Variants in IRX6 observed in about 807,000 individuals in gnomAD.
IRX6 encodes the protein iroquois homeobox 6.
IRX6 carries 46 observed loss-of-function variants against 47.7 expected under a neutral mutation model. The ratio of observed to expected loss-of-function variants is 0.96; its 90% CI spans 0.76 to 1.23. IRX6 has a LOEUF of 1.23. Among genes scored for constraint, IRX6 ranks in the 50% most tolerant of loss-of-function variants. The probability of loss-of-function intolerance (pLI) is 0.00; values close to 1 mark genes in which losing one functional copy is unlikely to be tolerated. For missense variants in IRX6, 722 were observed against 588.0 expected (o/e 1.23, Z -2.36); for synonymous variants, 265 against 246.2 (o/e 1.08, Z -0.72).
intron 3 of IRX6, 80 bp from the exon 4 acceptor site, chr16:55,327,506 A>G: frequency 6.3e-7 from 1 of 1,576,828 alleles, no homozygotes; most frequent in Non-Finnish European, 8.7e-7. Context: ...GAGCTGAACC[A>G]CACTTCCACG....
rs1039688118 is a variant in IRX6 at position 55,329,447 on chromosome 16, C to T, written c.1333+136C>T. On this transcript the variant is annotated intron_variant, in intron 5 of 5. Transcript: ENST00000290552. ...GAACTGACGGGAGATTGCTTTACAGCGCTCTTTCAGACGGAAGCGTAGAGA... is the reference window on the plus strand; with the variant it reads ...GAACTGACGGGAGATTGCTTTACAGTGCTCTTTCAGACGGAAGCGTAGAGA... 5.2e-6 allele frequency: 6 copies of T among 1,158,974 alleles called. No homozygotes were observed. The Admixed American group carries it at 8.5e-5, about 16-fold the overall frequency. 71.8% of individuals were successfully genotyped at this position (1,158,974 alleles called of 1,614,324 possible).
chr16:55,330,595 C>T lies in IRX6; in HGVS notation c.*290C>T, dbSNP rs1960625104. 3.8e-6 allele frequency: 2 copies of T among 524,492 alleles called. No homozygotes were observed. The highest frequency in any genetic ancestry group is 2.3e-5 in the South Asian group (1 of 44,428). 32.5% of individuals were successfully genotyped at this position (524,492 alleles called of 1,614,324 possible). On this transcript the variant is annotated 3_prime_UTR_variant, in exon 6 of 6. Transcript: ENST00000290552. Reference sequence around the variant, plus strand: ...CGACTCTACCAAGTCTCTCTTCCTCCTGTGGATTCAGCAAGGCTTCCTCTC... The same window carrying T: ...CGACTCTACCAAGTCTCTCTTCCTCTTGTGGATTCAGCAAGGCTTCCTCTC...
chr16:55,327,701 G>C lies in IRX6; in HGVS notation c.529G>C (p.Gly177Arg), dbSNP rs139187423. The change falls in exon 4 of 6, where the codon GGT becomes CGT. Residue 177 changes from glycine (G) to arginine (R), a missense_variant. Transcript: ENST00000290552. Reference sequence around the variant, plus strand: ...CCGCAAAAACCCCTACCCCACTAAGGGTGAGAAGATCATGCTGGCCATCAT... The same window carrying C: ...CCGCAAAAACCCCTACCCCACTAAGCGTGAGAAGATCATGCTGGCCATCAT... ...EHRKNPYPTK[G>R]EKIMLAIITK... 6.2e-7 allele frequency: 1 copy of C among 1,612,388 alleles called. No individual in the cohort carries two copies. The highest frequency in any genetic ancestry group is 1.1e-5 in the South Asian group (1 of 90,990).
intron 3 of IRX6, 57 bp from the exon 4 acceptor site, chr16:55,327,529 C>T: frequency 6.3e-7 from 1 of 1,577,164 alleles, no homozygotes; most frequent in Non-Finnish European, 8.6e-7. Flanking sequence ...ACAGACTGTC[C>T]TCTGCCTGCA....
chr16:55,328,903 T>TGC lies in IRX6; in HGVS notation c.927_928dup (p.Gly310AlafsTer31). The TGC allele has an allele frequency of 6.2e-7, 1 of 1,612,884 alleles. No individual in the cohort carries two copies. Among genetic ancestry groups the TGC allele is most frequent in the Non-Finnish European group, 8.5e-7 (1 of 1,179,916 alleles). On this transcript the variant is annotated frameshift_variant, in exon 5 of 6. Transcript: ENST00000290552. LOFTEE classifies it high-confidence loss of function. ...AGAGGGCCGATTGGAGCGCAGGGAGTGCGGCCTGGCTGCGCCCCGCTTCTC... is the reference window on the plus strand; with the variant it reads ...AGAGGGCCGATTGGAGCGCAGGGAGTGCGCGGCCTGGCTGCGCCCCGCTTCTC...
intron 1 of IRX6, 53 bp from the exon 2 acceptor site, chr16:55,326,283 G>T: frequency 2.1e-6 from 3 of 1,422,516 alleles, no homozygotes; most frequent in East Asian, 2.3e-5. Context: ...GAGCGGGGGC[G>T]GGGGTGGGGG....
In IRX6 at chr16:55,327,691, C is replaced by T; in HGVS notation, c.519C>T (p.Tyr173=). Residue 173 remains tyrosine, a synonymous_variant, in exon 4 of 6, where the codon TAC becomes TAT. Transcript: ENST00000290552. ...TCAACGAGCACCGCAAAAACCCCTACCCCACTAAGGGTGAGAAGATCATGC... is the reference window on the plus strand; with the variant it reads ...TCAACGAGCACCGCAAAAACCCCTATCCCACTAAGGGTGAGAAGATCATGC... ...AWLNEHRKNP[Y]PTKGEKIMLA... The T allele has an allele frequency of 6.2e-7, 1 of 1,612,422 alleles. No individual in the cohort carries two copies. Among genetic ancestry groups the T allele is most frequent in the Non-Finnish European group, 8.5e-7 (1 of 1,180,022 alleles).
Position 55,326,461 on chromosome 16 carries a change from G to A in IRX6, c.171G>A (p.Leu57=). 2 of 1,613,718 alleles carry A rather than the reference G, an allele frequency of 1.2e-6. No individual in the cohort carries two copies. The highest frequency in any genetic ancestry group is 1.3e-5 in the African/African-American group (1 of 75,046). The part of the protein sequence containing the change: ...LCCAPYDSRL[L]GSARPELGAA... The stretch of plus-strand genomic sequence containing the variant: ...GCGCACCCTACGATAGTCGACTGCT[G>A]GGCAGTGCGCGACCGGAGCTGGGCG... The change falls in exon 2 of 6, where the codon CTG becomes CTA. Residue 57 remains leucine (L), a synonymous_variant. Transcript: ENST00000290552.
In IRX6 at chr16:55,326,551, C is replaced by T; in HGVS notation, c.261C>T (p.Tyr87=). ...AAAAAQSYPG[Y]LPYSPEPPSL... Reference sequence around the variant, plus strand: ...CAGCTGCCCAGAGCTACCCTGGCTACCTGCCCTATAGCCCAGAGCCCCCCT... The same window carrying T: ...CAGCTGCCCAGAGCTACCCTGGCTATCTGCCCTATAGCCCAGAGCCCCCCT... Residue 87 remains tyrosine (Y), a synonymous_variant, in exon 2 of 6, where the codon TAC becomes TAT. Transcript: ENST00000290552. 3 of 1,581,568 alleles carry T rather than the reference C, an allele frequency of 1.9e-6. No individual in the cohort carries two copies. The highest frequency in any genetic ancestry group is 2.3e-5 in the South Asian group (2 of 86,994).
chr16:55,328,693 C>A lies in IRX6; in HGVS notation c.722-7C>A. The stretch of plus-strand genomic sequence containing the variant: ...GGCTTTTCTCACTCGCTCTTGATTT[C>A]CTGCAGAAGTTACTGCTAGCCAGGA... On this transcript the variant is annotated splice_polypyrimidine_tract_variant and splice_region_variant and intron_variant, in intron 4 of 5. Transcript: ENST00000290552. 2 of 1,611,694 alleles carry A rather than the reference C, an allele frequency of 1.2e-6. No individual in the cohort carries two copies. Among genetic ancestry groups the A allele is most frequent in the Non-Finnish European group, 1.7e-6 (2 of 1,179,102 alleles).
chr16:55,327,437 T>G (rs774875534), intron 3 of IRX6, 32 bp downstream of exon 3: 1 of 1,587,182 alleles, frequency 6.3e-7, no homozygotes, highest in Admixed American at 1.7e-5. Flanking sequence ...TGACTGGCAC[T>G]GTGAGTCTTT....
chr16:55,330,387 C>T lies in IRX6; in HGVS notation c.*82C>T. On this transcript the variant is annotated 3_prime_UTR_variant, in exon 6 of 6. Transcript: ENST00000290552. ...ATCTCCAGGTTAAGAAGCTGCCAGA[C>T]CTTGCCAGGGACCAGGAGCTCTCAC... The T allele has an allele frequency of 1.5e-6, 2 of 1,375,112 alleles. No homozygotes were observed. Among genetic ancestry groups the T allele is most frequent in the South Asian group, 2.3e-5 (2 of 86,292 alleles). 85.2% of individuals were successfully genotyped at this position (1,375,112 alleles called of 1,614,324 possible). A position where few individuals can be genotyped will look rare whatever the true frequency, so the allele number is the denominator to read the frequency against.
At chr16:55,328,076 C>A (rs1041794473) in intron 4 of IRX6, among the ~76,000 whole-genome samples, 183 bp downstream of exon 4, 34 of 152,180 alleles carry the variant, frequency 2.2e-4, no homozygotes, top group African/African-American at 7.7e-4. Context: ...TCTACACAAC[C>A]GGCTTCTTCT....
chr16:55,328,412 G>A (rs778265781), intron 4 of IRX6, among the ~76,000 whole-genome samples: 2 of 152,220 alleles, frequency 1.3e-5, no homozygotes, highest in Non-Finnish European at 2.9e-5. Context: ...GAGAAACTGA[G>A]ATCCAGAACT....
In IRX6 at chr16:55,324,714, A is replaced by C; in HGVS notation, c.-378A>C. 1.3e-5 allele frequency: 3 copies of C among 227,450 alleles called. No homozygotes were observed. The highest frequency in any genetic ancestry group is 2.6e-5 in the Non-Finnish European group (3 of 115,550). 14.1% of individuals were successfully genotyped at this position (227,450 alleles called of 1,614,324 possible). ...CCGGGGTCCCGTCTGGCGGCCCGGG[A>C]TTACCGTGACGTCACATTGAGCCTC... On this transcript the variant is annotated 5_prime_UTR_variant, in exon 1 of 6. Transcript: ENST00000290552. The surrounding 1 kb of genome is among the most constrained non-coding windows in gnomAD (Gnocchi z 4.4).
At position 55,327,656 on chromosome 16, in the gene IRX6, A is replaced by C; in HGVS notation, c.484A>C (p.Lys162Gln). 3.1e-6 allele frequency: 5 copies of C among 1,612,482 alleles called. No individual in the cohort carries two copies. The highest frequency in any genetic ancestry group is 4.2e-6 in the Non-Finnish European group (5 of 1,179,984). The change falls in exon 4 of 6, where the codon AAG becomes CAG. Residue 162 changes from lysine (K) to glutamine (Q), a missense_variant. By Grantham distance (53) the Lys-to-Gln change is moderately conservative. Coordinates refer to ENST00000290552, the MANE Select transcript of IRX6 (RefSeq NM_024335.3). ...NATRETTSTL[K>Q]AWLNEHRKNP... ...GACCCGGGAGACCACCAGTACACTC[A>C]AGGCCTGGCTCAACGAGCACCGCAA...
Position 55,330,676 on chromosome 16 carries a change from C to T in IRX6, c.*371C>T. 1 of 344,380 alleles carries T rather than the reference C, an allele frequency of 2.9e-6. No homozygotes were observed. The highest frequency in any genetic ancestry group is 5.4e-6 in the Non-Finnish European group (1 of 184,090). 21.3% of individuals were successfully genotyped at this position (344,380 alleles called of 1,614,324 possible). ...CCCCACTCACTTTGTAACTTCATCA[C>T]TGACCCGGCCAATAAGGACCCTGTG... On this transcript the variant is annotated 3_prime_UTR_variant, in exon 6 of 6. Transcript: ENST00000290552.
chr16:55,328,647 C>A (rs1960580245), intron 4 of IRX6, 53 bp from the exon 5 acceptor site: 2 of 1,575,846 alleles, frequency 1.3e-6, no homozygotes, highest in Admixed American at 1.8e-5. Context: ...GGACATTCCT[C>A]GGATTTCCCT....
chr16:55,325,238 A>T, intron 1 of IRX6, 102 bp downstream of exon 1: 1 of 1,096,866 alleles, frequency 9.1e-7, no homozygotes. Context: ...TTCTGGGGGA[A>T]GCCAGAAGGA....
Sources: allele counts gnomAD v4.1 joint callset (sites outside exome capture counted in the v4.1 genomes callset), GRCh38; gene constraint gnomAD v4.1.1; non-coding constraint Gnocchi (gnomAD v3.1); transcripts MANE v1.5; gene names NCBI Gene and HGNC (gene_info 2026-07-23, HGNC 2026-07-21).